SMIM35: variants seen among roughly 807,000 people sequenced by gnomAD.
SMIM35 encodes small integral membrane protein 35, also known as TMPRSS4 antisense RNA 1 (non-protein coding).
intron 1 of SMIM35, among the ~76,000 whole-genome samples, chr11:118,068,773 C>A (rs1407814877): frequency 1.3e-5 from 2 of 152,136 alleles, no homozygotes; most frequent in Non-Finnish European, 2.9e-5. Context: ...AGCGGAGTGA[C>A]CTTCCACCAC....
intron 1 of SMIM35, among the ~76,000 whole-genome samples, chr11:118,022,365 TAAG>T (rs1418398663): frequency 6.6e-6 from 1 of 152,108 alleles, no homozygotes; most frequent in Non-Finnish European, 1.5e-5. Context: ...TAAGTCTTAG[TAAG>T]TAAATCTCAA....
chr11:118,052,973 G>T, intron 1 of SMIM35, among the ~76,000 whole-genome samples: 1 of 152,192 alleles, frequency 6.6e-6, no homozygotes, highest in South Asian at 2.1e-4. Flanking sequence ...GGTTCCTCCA[G>T]GGTCCAGACA....
intron 4 of SMIM35, among the ~76,000 whole-genome samples, chr11:118,011,463 G>A (rs1335328743): frequency 2.0e-5 from 3 of 152,142 alleles, no homozygotes; most frequent in South Asian, 2.1e-4. Flanking sequence ...AGGCCGAGGC[G>A]GGTGGCTCAC....
chr11:118,031,994 A>G (rs1287164681), intron 1 of SMIM35: 5 of 151,880 alleles, frequency 3.3e-5, no homozygotes, highest in Non-Finnish European at 7.4e-5. Context: ...CAAAAAAAAA[A>G]ATTAGCTGGG....
chr11:118,013,686 AC>A, intron 4 of SMIM35, 61 bp downstream of exon 4: 2 of 396,974 alleles, frequency 5.0e-6, no homozygotes, highest in Non-Finnish European at 8.9e-6. Flanking sequence ...GGGTGACTGG[AC>A]CCTCTTAGGA....
intron 1 of SMIM35, among the ~76,000 whole-genome samples, chr11:118,037,716 G>T (rs975274990): frequency 6.6e-6 from 1 of 152,178 alleles, no homozygotes; most frequent in Non-Finnish European, 1.5e-5. Context: ...TCACCATTTA[G>T]TTCTTGAGAT....
intron 1 of SMIM35, among the ~76,000 whole-genome samples, chr11:118,045,874 C>T (rs1049231390): frequency 6.6e-6 from 1 of 152,164 alleles, no homozygotes; most frequent in Non-Finnish European, 1.5e-5. Flanking sequence ...AGACTTGGAG[C>T]CAGGCCATCT....
chr11:118,063,788 A>G (rs933487828), intron 1 of SMIM35, among the ~76,000 whole-genome samples: 1 of 152,196 alleles, frequency 6.6e-6, no homozygotes. Context: ...GAACAGGTGG[A>G]GGTTTCCAGA....
chr11:118,039,461 G>A (rs1259433832), intron 1 of SMIM35, among the ~76,000 whole-genome samples: 10 of 152,144 alleles, frequency 6.6e-5, no homozygotes, highest in Non-Finnish European at 1.5e-4. Context: ...TGTAATCCCA[G>A]CACTTTGGAA....
At chr11:118,062,722 T>A (rs907415280) in intron 1 of SMIM35, among the ~76,000 whole-genome samples, 1 of 152,216 alleles carries the variant, frequency 6.6e-6, no homozygotes, top group Admixed American at 6.5e-5. Context: ...CTTCCATCTG[T>A]TTTTCTGTTG....
intron 1 of SMIM35, among the ~76,000 whole-genome samples, chr11:118,077,781 G>A (rs970485316): frequency 2.0e-5 from 3 of 152,220 alleles, no homozygotes; most frequent in Non-Finnish European, 4.4e-5. Context: ...CGAGGCTGAG[G>A]CAGACAGATC....
intron 1 of SMIM35, among the ~76,000 whole-genome samples, chr11:118,022,382 A>T (rs1192570988): frequency 6.6e-6 from 1 of 152,338 alleles, no homozygotes; most frequent in East Asian, 1.9e-4. Context: ...ATCTCAATAA[A>T]TTTTTAAAAG....
At chr11:118,022,970 C>G (rs1042795649) in intron 1 of SMIM35, among the ~76,000 whole-genome samples, 1 of 151,052 alleles carries the variant, frequency 6.6e-6, no homozygotes, top group African/African-American at 2.4e-5. Context: ...TTGTCTACTG[C>G]TCCGAACCCA....
intron 1 of SMIM35, among the ~76,000 whole-genome samples, chr11:118,029,491 A>G (rs960988594): frequency 6.6e-6 from 1 of 152,184 alleles, no homozygotes; most frequent in African/African-American, 2.4e-5. Flanking sequence ...AGGACTCTGC[A>G]AAAGTTTCTT....
chr11:118,007,345 AG>A (rs746640576), intron 4 of SMIM35, among the ~76,000 whole-genome samples: 3 of 152,174 alleles, frequency 2.0e-5, no homozygotes, highest in African/African-American at 4.8e-5. Flanking sequence ...GGGCTCAGAG[AG>A]CTTGCGCTCA....
intron 1 of SMIM35, among the ~76,000 whole-genome samples, chr11:118,019,025 C>T (rs17121528): frequency 0.096 from 14,575 of 152,112 alleles, 972 homozygotes; most frequent in East Asian, 0.37. Context: ...TCCTATCTCT[C>T]CCTCCAAGTA....
intron 1 of SMIM35, among the ~76,000 whole-genome samples, chr11:118,045,330 G>GCACGCACACA (rs1555073987): frequency 2.1e-5 from 3 of 146,014 alleles, no homozygotes; most frequent in Non-Finnish European, 3.0e-5. Flanking sequence ...ATACACACAT[G>GCACGCACACA]CACACACACA....
chr11:118,013,485 C>A (rs2058160611), intron 4 of SMIM35, among the ~76,000 whole-genome samples: 2 of 152,134 alleles, frequency 1.3e-5, no homozygotes, highest in Admixed American at 1.3e-4. Context: ...AAGCTTCCAC[C>A]TTGAATGCAA....
chr11:118,011,821 G>A (rs1466234776), intron 4 of SMIM35, among the ~76,000 whole-genome samples: 1 of 152,158 alleles, frequency 6.6e-6, no homozygotes, highest in Non-Finnish European at 1.5e-5. Flanking sequence ...GCTATTCCAA[G>A]AGGCCTTCAA....
Sources: gnomAD v4.1 joint callset for allele counts (sites outside exome capture counted in the v4.1 genomes callset) on GRCh38, gnomAD v4.1.1 for gene constraint, MANE v1.5 for transcripts, NCBI Gene and HGNC (gene_info 2026-07-23, HGNC 2026-07-21) for gene names.